NSF: variants seen among roughly 807,000 people sequenced by gnomAD.
NSF encodes the protein N-ethylmaleimide sensitive factor, vesicle fusing ATPase, also known as vesicle-fusing ATPase.
In NSF, 14 loss-of-function variants were observed where a neutral mutation model predicts 50.3. The observed-to-expected ratio is 0.28, with a 90% confidence interval of 0.18 to 0.44. The LOEUF is 0.44. Among genes scored for constraint, NSF ranks in the 20% least tolerant of loss-of-function variants. The probability of loss-of-function intolerance (pLI) is 1.00; values close to 1 mark genes in which losing one functional copy is unlikely to be tolerated. For synonymous variants in NSF, 109 were observed against 175.7 expected, an observed-to-expected ratio of 0.62 and a Z score of 3.00; for missense variants, 218 against 504.3, an observed-to-expected ratio of 0.43 and a Z score of 5.44.
At chr17:46,601,885 A>T (rs1568011354) in intron 1 of NSF, among the ~76,000 whole-genome samples, 1 of 150,184 alleles carries the variant, frequency 6.7e-6, no homozygotes, top group Non-Finnish European at 1.5e-5. Flanking sequence ...CTTTAAAAAA[A>T]AAAAAAAAGA....
chr17:46,732,900 C>G (rs1318239946), intron 17 of NSF, among the ~76,000 whole-genome samples: 9 of 152,332 alleles, frequency 5.9e-5, no homozygotes, highest in South Asian at 2.1e-4. Flanking sequence ...AAGCTCCCAG[C>G]CTGCTTCATC....
Position 46,756,756 on chromosome 17 carries a change from G to T in NSF, c.*933G>T, listed in dbSNP as rs2059238061. 1 of 152,524 alleles carries T rather than the reference G, an allele frequency of 6.6e-6. No individual in the cohort carries two copies. Among genetic ancestry groups the T allele is most frequent in the Non-Finnish European group, 1.5e-5 (1 of 68,024 alleles). The allele number at this position is 152,524 out of a possible 1,614,324, so 9.4% of individuals were successfully genotyped here. On this transcript the variant is annotated 3_prime_UTR_variant, in exon 21 of 21. Transcript: ENST00000398238. ...ATTTATCCTTTATTTTAAATGATCT[G>T]TACTATCTAGTGTCTAAAACACTAT... is the stretch of plus-strand genomic sequence containing the variant.
At chr17:46,714,041 T>C (rs907051811) in intron 15 of NSF, 55 bp downstream of exon 15, 2 of 1,515,250 alleles carry the variant, frequency 1.3e-6, no homozygotes. Flanking sequence ...TGTGTGTGTG[T>C]GCACATATAT....
chr17:46,756,150 C>CCAT lies in NSF; in HGVS notation c.*330_*332dup, dbSNP rs2059231817. On this transcript the variant is annotated 3_prime_UTR_variant, in exon 21 of 21. Coordinates refer to ENST00000398238, the MANE Select transcript of NSF (RefSeq NM_006178.4). Reference sequence around the variant, plus strand: ...ACACGTTTCAACCTCTCTACTAGCACCATCACCCTTGAAAACTCTCAGTCA... The same window carrying CCAT: ...ACACGTTTCAACCTCTCTACTAGCACCATCATCACCCTTGAAAACTCTCAGTCA... 1 of 234,104 alleles carries CCAT rather than the reference C, an allele frequency of 4.3e-6. No homozygotes were observed. The highest frequency in any genetic ancestry group is 1.6e-4 in the South Asian group (1 of 6,410). 14.5% of individuals were successfully genotyped at this position (234,104 alleles called of 1,614,324 possible).
intron 17 of NSF, among the ~76,000 whole-genome samples, chr17:46,732,144 A>G (rs2058955059): frequency 1.3e-5 from 2 of 152,232 alleles, no homozygotes; most frequent in African/African-American, 4.8e-5. Context: ...AAAAGTTGTG[A>G]GCATTTTTCT....
intron 15 of NSF, chr17:46,721,541 G>A: frequency 2.6e-6 from 3 of 1,169,454 alleles, no homozygotes; most frequent in Non-Finnish European, 1.3e-6. Context: ...TTCTTTTTCT[G>A]TGTGTGTGTG....
At chr17:46,721,818 G>A in intron 15 of NSF, 1 of 1,599,282 alleles carries the variant, frequency 6.3e-7, no homozygotes, top group Non-Finnish European at 8.6e-7. Context: ...CGGCTCCTGG[G>A]ACACTTTTGC....
At chr17:46,605,135 C>T (rs1476649975) in intron 1 of NSF, among the ~76,000 whole-genome samples, 1 of 51,044 alleles carries the variant, frequency 2.0e-5, no homozygotes, top group East Asian at 3.7e-4. Flanking sequence ...AAAGAAACTA[C>T]ATGATACCAT....
intron 14 of NSF, among the ~76,000 whole-genome samples, chr17:46,712,459 A>G (rs2058729204): frequency 6.6e-6 from 1 of 152,232 alleles, no homozygotes; most frequent in African/African-American, 2.4e-5. Context: ...GGGTTCTGGC[A>G]TACATAGCCC....
intron 13 of NSF, among the ~76,000 whole-genome samples, chr17:46,709,010 A>C (rs1332478252): frequency 6.6e-6 from 1 of 151,392 alleles, no homozygotes; most frequent in African/African-American, 2.4e-5. Flanking sequence ...TTTTTAGTAG[A>C]GACGAGGTTT....
Position 46,747,623 on chromosome 17 carries a change from A to T in NSF, c.1909-2150A>T, listed in dbSNP as rs528775920. Among the ~76,000 whole-genome samples, 4 of 152,332 alleles carry T rather than the reference A, an allele frequency of 2.6e-5. No homozygotes were observed. The South Asian group carries it at 8.3e-4, about 32-fold the overall frequency. On this transcript the variant is annotated intron_variant, in intron 17 of 20. Transcript: ENST00000398238. ...TATTTTAATTGCACAGGATGCAATT[A>T]AAAAAGAAAACATTCAGAAAACAAG...
At chr17:46,665,991 GC>G (rs2058332283) in intron 8 of NSF, among the ~76,000 whole-genome samples, 1 of 142,104 alleles carries the variant, frequency 7.0e-6, no homozygotes, top group Non-Finnish European at 1.6e-5. Context: ...CCCAGAAATA[GC>G]CCCAGTTCCT....
intron 16 of NSF, 85 bp from the exon 17 acceptor site, chr17:46,728,770 A>T (rs1346005568): frequency 3.3e-6 from 3 of 919,488 alleles, no homozygotes; most frequent in African/African-American, 3.5e-5. Flanking sequence ...TTTACTTTTG[A>T]TGCAAAAAAA....
intron 13 of NSF, among the ~76,000 whole-genome samples, chr17:46,709,013 C>T (rs991789788): frequency 1.1e-4 from 16 of 151,164 alleles, no homozygotes; most frequent in South Asian, 8.3e-4. Flanking sequence ...TTAGTAGAGA[C>T]GAGGTTTCAC....
chr17:46,734,321 A>G (rs922190265), intron 17 of NSF, among the ~76,000 whole-genome samples: 1 of 152,194 alleles, frequency 6.6e-6, no homozygotes, highest in African/African-American at 2.4e-5. Context: ...AAAGAGGCTT[A>G]GTCATTTTGC....
chr17:46,737,908 ATATTAT>A (rs138655503), intron 17 of NSF, among the ~76,000 whole-genome samples: 5,976 of 145,800 alleles, frequency 0.041, 285 homozygotes, highest in African/African-American at 0.11. Flanking sequence ...TAAAATTAGC[ATATTAT>A]TATTATTATT....
rs147158472 is a variant in NSF at position 46,733,722 on chromosome 17, T to C, written c.1908+4788T>C. 1.1e-3 allele frequency among the ~76,000 whole-genome samples: 165 copies of C among 152,280 alleles called. 1 individual carries two copies. Among genetic ancestry groups the C allele is most frequent in the African/African-American group, 3.9e-3 (162 of 41,564 alleles). The stretch of plus-strand genomic sequence containing the variant: ...ATTGATATCTTAGTCCAGGTATAAC[T>C]CATTTGAAGCTCAACGATTGGAAAA... On this transcript the variant is annotated intron_variant, in intron 17 of 20. Coordinates refer to ENST00000398238, the MANE Select transcript of NSF (RefSeq NM_006178.4).
intron 17 of NSF, among the ~76,000 whole-genome samples, chr17:46,745,733 A>G (rs1176004622): frequency 1.3e-5 from 2 of 152,248 alleles, no homozygotes; most frequent in African/African-American, 4.8e-5. Context: ...AGGATGTATC[A>G]GCATGTGTGG....
intron 16 of NSF, 112 bp downstream of exon 16, chr17:46,726,727 C>G: frequency 1.1e-6 from 1 of 914,562 alleles, no homozygotes; most frequent in South Asian, 1.3e-5. Flanking sequence ...ATAGAAATAC[C>G]TTTCTTTGTC....
Sources: gnomAD v4.1 joint callset for allele counts (sites outside exome capture counted in the v4.1 genomes callset) on GRCh38, gnomAD v4.1.1 for gene constraint, MANE v1.5 for transcripts, NCBI Gene and HGNC (gene_info 2026-07-23, HGNC 2026-07-21) for gene names.